Variants in FSTL4 observed in about 807,000 individuals in gnomAD.
FSTL4 encodes follistatin like 4.
A neutral mutation model predicts 78.2 loss-of-function variants in FSTL4; 28 were observed. That is an observed-to-expected ratio of 0.36 (90% confidence interval 0.27 to 0.49). The LOEUF (loss-of-function observed/expected upper bound fraction) is 0.49. Among genes scored for constraint, FSTL4 ranks in the 20% least tolerant of loss-of-function variants. The probability of loss-of-function intolerance (pLI) is 0.98; values close to 1 mark genes in which losing one functional copy is unlikely to be tolerated. For synonymous variants in FSTL4, 422 were observed against 440.5 expected (o/e 0.96, Z 0.53); for missense variants, 922 against 1,084.9 (o/e 0.85, Z 2.11).
At chr5:133,377,036 C>T (rs1039790457) in intron 4 of FSTL4, among the ~76,000 whole-genome samples, 4 of 152,160 alleles carry the variant, frequency 2.6e-5, no homozygotes, top group African/African-American at 9.7e-5. Flanking sequence ...AGACAGGGTT[C>T]CCTCTTCCCC....
At chr5:133,398,653 T>C (rs1756134822) in intron 4 of FSTL4, among the ~76,000 whole-genome samples, 1 of 152,222 alleles carries the variant, frequency 6.6e-6, no homozygotes, top group African/African-American at 2.4e-5. Context: ...TAAGTGGTGC[T>C]TGTGCAGCCC....
At chr5:133,755,695 C>A in the FSTL4 span, among the ~76,000 whole-genome samples, 10 of 152,366 alleles carry the variant, frequency 6.6e-5, no homozygotes, top group African/African-American at 9.6e-5. Flanking sequence ...TCATAGCCAG[C>A]TCTCTGCTTT....
chr5:133,466,244 G>A (rs1757704040), intron 3 of FSTL4, among the ~76,000 whole-genome samples: 1 of 152,104 alleles, frequency 6.6e-6, no homozygotes, highest in Admixed American at 6.5e-5. Context: ...GAATTCCTTG[G>A]GACAAGAACA....
the FSTL4 span, among the ~76,000 whole-genome samples, chr5:133,778,754 G>A: frequency 2.6e-5 from 4 of 152,170 alleles, no homozygotes; most frequent in Non-Finnish European, 4.4e-5. Flanking sequence ...TTCGGCACTC[G>A]CAGCGCTGAC....
chr5:133,698,648 C>T, the FSTL4 span, among the ~76,000 whole-genome samples: 1 of 152,264 alleles, frequency 6.6e-6, no homozygotes. Flanking sequence ...ACGTGCTTGG[C>T]ACAGCATCTG....
the FSTL4 span, among the ~76,000 whole-genome samples, chr5:133,812,246 C>G: frequency 6.6e-6 from 1 of 152,208 alleles, no homozygotes; most frequent in African/African-American, 2.4e-5. Context: ...CAGTGGTCTT[C>G]CTGCTTCCAG....
intron 2 of FSTL4, among the ~76,000 whole-genome samples, chr5:133,567,649 A>C (rs1420908025): frequency 6.6e-6 from 1 of 152,234 alleles, no homozygotes; most frequent in Non-Finnish European, 1.5e-5. Context: ...TGCTATGGTG[A>C]AGACCACCAC....
At chr5:133,508,570 A>G (rs1048480750) in intron 3 of FSTL4, among the ~76,000 whole-genome samples, 1 of 152,188 alleles carries the variant, frequency 6.6e-6, no homozygotes, top group Non-Finnish European at 1.5e-5. Context: ...TCCACTGTAC[A>G]TGCGGTCTGT....
At chr5:133,782,888 C>T in the FSTL4 span, among the ~76,000 whole-genome samples, 2 of 152,188 alleles carry the variant, frequency 1.3e-5, no homozygotes, top group Non-Finnish European at 2.9e-5. Flanking sequence ...GGAATCAGAA[C>T]CTCACGCTGC....
chr5:133,271,852 A>G (rs1752772721), intron 6 of FSTL4, among the ~76,000 whole-genome samples: 1 of 152,202 alleles, frequency 6.6e-6, no homozygotes, highest in Non-Finnish European at 1.5e-5. Context: ...AGGTCATACA[A>G]AAGGCACCTG....
chr5:133,811,524 C>G, the FSTL4 span, among the ~76,000 whole-genome samples: 1 of 152,234 alleles, frequency 6.6e-6, no homozygotes, highest in Non-Finnish European at 1.5e-5. Context: ...ACACCCAACC[C>G]TGAGCCGCCT....
the FSTL4 span, among the ~76,000 whole-genome samples, chr5:133,704,581 C>T: frequency 1.3e-5 from 2 of 152,336 alleles, no homozygotes; most frequent in South Asian, 4.1e-4. Flanking sequence ...AGGTAAGAAG[C>T]ACCCAGGTAA....
the FSTL4 span, among the ~76,000 whole-genome samples, chr5:133,750,580 G>T: frequency 2.0e-4 from 30 of 152,154 alleles, no homozygotes; most frequent in African/African-American, 7.2e-4. Context: ...GTCAGGGCCC[G>T]TGAGGAGAGA....
chr5:133,694,481 G>A, the FSTL4 span, among the ~76,000 whole-genome samples: 2 of 152,258 alleles, frequency 1.3e-5, no homozygotes, highest in Admixed American at 6.5e-5. Context: ...CTAGGGCACC[G>A]TGGACTGTGA....
chr5:133,581,030 G>A (rs1191989502), intron 2 of FSTL4, among the ~76,000 whole-genome samples: 1 of 152,104 alleles, frequency 6.6e-6, no homozygotes. Context: ...TCATTGGTTT[G>A]GGCTCCCACA....
At chr5:133,738,280 C>T in the FSTL4 span, among the ~76,000 whole-genome samples, 1 of 152,166 alleles carries the variant, frequency 6.6e-6, no homozygotes, top group Non-Finnish European at 1.5e-5. Context: ...GAGCTCAGTG[C>T]TCTGAACTGT....
intron 4 of FSTL4, among the ~76,000 whole-genome samples, chr5:133,334,255 G>C (rs530816263): frequency 6.6e-6 from 1 of 152,204 alleles, no homozygotes; most frequent in Non-Finnish European, 1.5e-5. Flanking sequence ...CAGTTGGCGA[G>C]GGTCCTGCCA....
At chr5:133,360,061 A>G (rs1755035455) in intron 4 of FSTL4, among the ~76,000 whole-genome samples, 1 of 152,242 alleles carries the variant, frequency 6.6e-6, no homozygotes, top group African/African-American at 2.4e-5. Flanking sequence ...GGAATCAAAC[A>G]GCCCTAACAG....
At chr5:133,200,582 G>A (rs1750290068) in intron 15 of FSTL4, among the ~76,000 whole-genome samples, 1 of 152,216 alleles carries the variant, frequency 6.6e-6, no homozygotes, top group Non-Finnish European at 1.5e-5. Flanking sequence ...TTAGCAGAGG[G>A]ACTCAGGTAG....
Sources: gnomAD v4.1 joint callset for allele counts (sites outside exome capture counted in the v4.1 genomes callset) on GRCh38, gnomAD v4.1.1 for gene constraint, MANE v1.5 for transcripts, NCBI Gene and HGNC (gene_info 2026-07-23, HGNC 2026-07-21) for gene names.